NRXN1: variants seen among roughly 807,000 people sequenced by gnomAD.
The protein encoded by NRXN1 is neurexin-1.
A neutral mutation model predicts 150.9 loss-of-function variants in NRXN1; 39 were observed. That is an observed-to-expected ratio of 0.26 (90% CI 0.20 to 0.34). The LOEUF (loss-of-function observed/expected upper bound fraction) is 0.34, where lower values mean the gene tolerates loss of function less well. NRXN1 is among the 10% of genes least tolerant of loss of function. NRXN1 has a pLI of 1.00. For missense variants in NRXN1, 1,815 were observed against 1,949.9 expected (o/e 0.93, Z 1.30); for synonymous variants, 924 against 757.0 (o/e 1.22, Z -3.62).
In NRXN1 at chr2:49,957,693, G is replaced by A. The variant is rs4143114; in HGVS notation, c.4129-13902C>T. On this transcript the variant is annotated intron_variant, in intron 21 of 22. Transcript: ENST00000401669. Reference sequence around the variant, plus strand: ...TCAAGCATTTGTCAAATCATATTTGGAGGCTCTTTGAATTATGTGCTCCAG... The same window carrying A: ...TCAAGCATTTGTCAAATCATATTTGAAGGCTCTTTGAATTATGTGCTCCAG... Among the ~76,000 whole-genome samples, 7 of 152,234 alleles carry A rather than the reference G, an allele frequency of 4.6e-5. 1 individual carries two copies. The East Asian group carries it at 1.4e-3, about 29-fold the overall frequency.
At chr2:50,007,145 C>T (rs934105415) in intron 21 of NRXN1, among the ~76,000 whole-genome samples, 10 of 152,034 alleles carry the variant, frequency 6.6e-5, no homozygotes, top group Non-Finnish European at 1.3e-4. Flanking sequence ...GAGTTTCAGA[C>T]CAGCCTGGAT....
At chr2:50,771,878 A>C (rs1002638130) in intron 5 of NRXN1, among the ~76,000 whole-genome samples, 1 of 152,128 alleles carries the variant, frequency 6.6e-6, no homozygotes, top group Non-Finnish European at 1.5e-5. Context: ...TTCCTGCCCT[A>C]ATAAAACTTA....
chr2:50,528,182 T>C (rs770938261), intron 12 of NRXN1, among the ~76,000 whole-genome samples: 2 of 152,164 alleles, frequency 1.3e-5, no homozygotes, highest in Non-Finnish European at 2.9e-5. Context: ...TAATTTTCTA[T>C]GTCTATGTAA....
At chr2:50,133,028 C>T (rs1558945501) in intron 18 of NRXN1, among the ~76,000 whole-genome samples, 1 of 152,056 alleles carries the variant, frequency 6.6e-6, no homozygotes, top group Non-Finnish European at 1.5e-5. Flanking sequence ...AGATCCTGTT[C>T]CCTTAGGAAG....
intron 5 of NRXN1, among the ~76,000 whole-genome samples, chr2:50,896,816 C>A (rs541967411): frequency 8.6e-5 from 13 of 150,980 alleles, no homozygotes; most frequent in African/African-American, 3.2e-4. Flanking sequence ...CACTGCACCC[C>A]AGCCTGGGCG....
rs1307997793 is a variant in NRXN1, at chr2:50,239,583, G to C, written c.3365-2613C>G. On this transcript the variant is annotated intron_variant, in intron 17 of 22. Coordinates refer to ENST00000401669, the MANE Select transcript of NRXN1 (RefSeq NM_001330078.2). Reference sequence around the variant, plus strand: ...ATATCTGAGGAAATTTAGTCATAAAGATTAACGTGCTATCTAAAGTTGCAA... The same window carrying C: ...ATATCTGAGGAAATTTAGTCATAAACATTAACGTGCTATCTAAAGTTGCAA... Among the ~76,000 whole-genome samples, 5 of 144,322 alleles carry C rather than the reference G, an allele frequency of 3.5e-5. No homozygotes were observed. The Admixed American group carries it at 3.5e-4, about 10-fold the overall frequency. The allele number at this position is 144,322 out of a possible 152,430, so 94.7% of individuals were successfully genotyped here. A position where few individuals can be genotyped will look rare whatever the true frequency, so the allele number is the denominator to read the frequency against.
chr2:50,753,545 C>T (rs1700844355), intron 5 of NRXN1, among the ~76,000 whole-genome samples: 1 of 151,878 alleles, frequency 6.6e-6, no homozygotes, highest in South Asian at 2.1e-4. Flanking sequence ...GACTCTGTCA[C>T]CCACTTGCAG....
chr2:50,418,540 T>C lies in NRXN1; in HGVS notation c.3364+46902A>G, dbSNP rs183535144. 5.9e-5 allele frequency among the ~76,000 whole-genome samples: 9 copies of C among 152,216 alleles called. No individual in the cohort carries two copies. The East Asian group carries it at 1.2e-3, about 20-fold the overall frequency. On this transcript the variant is annotated intron_variant, in intron 17 of 22. Transcript: ENST00000401669. ...GGCAGGAACTTAGATTAGTGTCTTTTCAGAAAGCCCAGTACATTTTGATTA... is the reference window on the plus strand; with the variant it reads ...GGCAGGAACTTAGATTAGTGTCTTTCCAGAAAGCCCAGTACATTTTGATTA...
intron 18 of NRXN1, among the ~76,000 whole-genome samples, chr2:50,185,271 C>CT (rs916335643): frequency 1.3e-4 from 20 of 151,996 alleles, no homozygotes; most frequent in Non-Finnish European, 2.2e-4. Flanking sequence ...CTGACAATTT[C>CT]TTTTTTCTCT....
chr2:50,385,904 T>C (rs962773110), intron 17 of NRXN1, among the ~76,000 whole-genome samples: 3 of 152,162 alleles, frequency 2.0e-5, no homozygotes, highest in East Asian at 1.9e-4. Context: ...ATTAAATGTA[T>C]GTAAATAAAA....
chr2:50,742,657 C>A (rs1380636082), intron 5 of NRXN1, among the ~76,000 whole-genome samples: 1 of 151,320 alleles, frequency 6.6e-6, no homozygotes, highest in East Asian at 1.9e-4. Context: ...TGATTATAGG[C>A]AAATTATTTA....
At chr2:50,054,559 T>A (rs1432646455) in intron 20 of NRXN1, among the ~76,000 whole-genome samples, 1 of 152,192 alleles carries the variant, frequency 6.6e-6, no homozygotes, top group Admixed American at 6.6e-5. Context: ...AGTTTTTGTT[T>A]TTTTCAGGAC....
At chr2:50,923,436 T>C (rs772353217) in intron 3 of NRXN1, 1 of 301,728 alleles carries the variant, frequency 3.3e-6, no homozygotes, top group South Asian at 3.1e-5. Context: ...ATATTACAGA[T>C]GTAATTTCAT....
intron 5 of NRXN1, among the ~76,000 whole-genome samples, chr2:50,876,340 A>C (rs1678587514): frequency 6.6e-6 from 1 of 150,400 alleles, no homozygotes. Context: ...TCCACTTAGG[A>C]AGTCACAAAA....
intron 17 of NRXN1, among the ~76,000 whole-genome samples, chr2:50,405,674 T>G (rs1369111648): frequency 2.6e-5 from 4 of 152,112 alleles, no homozygotes; most frequent in East Asian, 1.9e-4. Context: ...CATGGTACAG[T>G]GGGAAGCAAA....
intron 17 of NRXN1, among the ~76,000 whole-genome samples, chr2:50,383,431 C>T (rs2081109393): frequency 6.6e-6 from 1 of 152,036 alleles, no homozygotes; most frequent in Non-Finnish European, 1.5e-5. Context: ...AGGCTCAAAA[C>T]ACATGAGATT....
chr2:50,115,428 C>T (rs1463660979), intron 18 of NRXN1, among the ~76,000 whole-genome samples: 3 of 151,496 alleles, frequency 2.0e-5, no homozygotes, highest in South Asian at 2.1e-4. Context: ...TTGGAATGAT[C>T]GAAACAATGT....
intron 17 of NRXN1, among the ~76,000 whole-genome samples, chr2:50,406,049 T>C (rs1392451849): frequency 1.3e-5 from 2 of 152,074 alleles, no homozygotes; most frequent in Admixed American, 1.3e-4. Flanking sequence ...TAAGTTTAGG[T>C]AGTTGAGCTC....
chr2:50,238,288 A>G (rs1284940992), intron 17 of NRXN1, among the ~76,000 whole-genome samples: 5 of 152,036 alleles, frequency 3.3e-5, no homozygotes, highest in Non-Finnish European at 5.9e-5. Flanking sequence ...ACTGCTTAAA[A>G]TGGGACATTG....
Sources: allele counts gnomAD v4.1 joint callset (sites outside exome capture counted in the v4.1 genomes callset), GRCh38; gene constraint gnomAD v4.1.1; transcripts MANE v1.5; gene names NCBI Gene and HGNC (gene_info 2026-07-23, HGNC 2026-07-21).